Variants in PLEC observed in about 807,000 individuals in gnomAD.
The protein encoded by PLEC is plectin, also known as hemidesmosomal protein 1.
A neutral mutation model predicts 392.8 loss-of-function variants in PLEC; 216 were observed. The observed-to-expected ratio is 0.55, with a 90% CI of 0.49 to 0.62. The LOEUF (loss-of-function observed/expected upper bound fraction) is 0.62. Ranked by LOEUF, PLEC falls within the 20% of genes least tolerant of loss-of-function variation. The pLI is 0.00. For missense variants in PLEC, 6,863 were observed against 6,563.4 expected (o/e 1.05, Z -1.58); for synonymous variants, 3,621 against 2,980.6 (o/e 1.21, Z -7.00).
In PLEC at chr8:143,923,250, C is replaced by T. The variant is rs372884590; in HGVS notation, c.6679G>A (p.Glu2227Lys). Residue 2227 changes from glutamate to lysine, a missense_variant, in exon 31 of 32, where the codon GAG (glutamate) becomes AAG (lysine). Glu to Lys is a moderately conservative substitution (Grantham distance 56, BLOSUM62 1). Transcript: ENST00000345136. Reference protein sequence around the residue: ...TEAARQRSQVEEELFSVRVQM... With the variant: ...TEAARQRSQVKEELFSVRVQM... Reference sequence around the variant, plus strand: ...ACGCGCACCGAGAAGAGCTCCTCCTCCACCTGGCTGCGCTGGCGTGCGGCC... The same window carrying T: ...ACGCGCACCGAGAAGAGCTCCTCCTTCACCTGGCTGCGCTGGCGTGCGGCC... 2.5e-5 allele frequency: 40 copies of T among 1,605,454 alleles called. No individual in the cohort carries two copies. In the African/African-American group the frequency reaches 3.7e-4, roughly 15 times the overall value.
rs77405565 is a variant in PLEC at position 143,927,063 on chromosome 8, C to G, written c.3859G>C (p.Val1287Leu). 2.5e-6 allele frequency: 4 copies of G among 1,611,332 alleles called. No individual in the cohort carries two copies. The African/African-American group carries it at 5.3e-5, about 22-fold the overall frequency. The part of the protein sequence containing the change: ...NAIKDYELQL[V>L]TYKAQLEPVA... Reference sequence around the variant, plus strand: ...GGCTCAAGCTGCGCCTTGTACGTCACCAGCTGGAGTTCATAGTCCTGTGGC... The same window carrying G: ...GGCTCAAGCTGCGCCTTGTACGTCAGCAGCTGGAGTTCATAGTCCTGTGGC... Residue 1287 changes from valine to leucine, a missense_variant, in exon 29 of 32, where the codon GTG (valine) becomes CTG (leucine). Transcript: ENST00000345136.
Position 143,917,533 on chromosome 8 carries a change from C to T in PLEC, c.12288G>A (p.Glu4096=). 1 of 1,613,976 alleles carries T rather than the reference C, an allele frequency of 6.2e-7. No individual in the cohort carries two copies. The highest frequency in any genetic ancestry group is 8.5e-7 in the Non-Finnish European group (1 of 1,180,044). ...TCAGCTGCAGGTAGGTGAGGTTCTC[C>T]TCCGTGTTAGGGTCAAAGAAGCCCT... ...DTKGFFDPNT[E]ENLTYLQLME... is the part of the protein sequence containing the mutation. Residue 4096 remains glutamate, a synonymous_variant, in exon 32 of 32, where the codon GAG becomes GAA. Coordinates refer to ENST00000345136, the MANE Select transcript of PLEC (RefSeq NM_201384.3).
upstream of PLEC, chr8:143,939,713 A>G (rs1830072490): frequency 1.6e-6 from 2 of 1,266,512 alleles, no homozygotes; most frequent in Admixed American, 3.2e-5. Context: ...GGAAGGAGCA[A>G]GCAGCCCCCT....
Position 143,924,199 on chromosome 8 carries a change from C to T in PLEC, c.5730G>A (p.Lys1910=), listed in dbSNP as rs1554696201. 3 of 1,599,094 alleles carry T rather than the reference C, an allele frequency of 1.9e-6. No homozygotes were observed. Among genetic ancestry groups the T allele is most frequent in the Non-Finnish European group, 2.5e-6 (3 of 1,179,544 alleles). Reference sequence around the variant, plus strand: ...GCCTCAGCGTGTCCTCCACCAGCCCCTTCTGCCGCTCCAGCTCGCTGTCCG... The same window carrying T: ...GCCTCAGCGTGTCCTCCACCAGCCCTTTCTGCCGCTCCAGCTCGCTGTCCG... ...KASDSELERQ[K]GLVEDTLRQR... Residue 1910 remains lysine, a synonymous_variant, in exon 31 of 32, where the codon AAG becomes AAA. Coordinates refer to ENST00000345136, the MANE Select transcript of PLEC (RefSeq NM_201384.3).
chr8:143,936,521 G>A (rs1829100289), intron 5 of PLEC, among the ~76,000 whole-genome samples: 1 of 152,202 alleles, frequency 6.6e-6, no homozygotes, highest in Admixed American at 6.5e-5. Context: ...GCATGCTCAG[G>A]CCAGGTTCTG....
intron 1 of PLEC, among the ~76,000 whole-genome samples, chr8:143,947,674 C>A (rs1227519444): frequency 2.0e-5 from 3 of 152,146 alleles, no homozygotes; most frequent in Non-Finnish European, 4.4e-5. Flanking sequence ...CGCTTCAACC[C>A]GGGAGGCGGA....
chr8:143,919,876 G>A lies in PLEC; in HGVS notation c.9945C>T (p.Ser3315=), dbSNP rs28657061. The A allele has an allele frequency of 5.8e-3, 9,277 of 1,613,086 alleles. 96 individuals carry two copies. The highest frequency in any genetic ancestry group is 0.041 in the African/African-American group (3,105 of 75,042). ...FSGLRAPVPA[S]ELLASGVLSR... The stretch of plus-strand genomic sequence containing the variant: ...TGAGGACCCCGGAAGCCAGGAGCTC[G>A]CTGGCTGGCACAGGGGCACGGAGGC... The change falls in exon 32 of 32, where the codon AGC becomes AGT. Residue 3315 remains serine (S), a synonymous_variant. Transcript: ENST00000345136.
chr8:143,956,735 C>G (rs1196319509), upstream of PLEC, among the ~76,000 whole-genome samples: 4 of 151,692 alleles, frequency 2.6e-5, no homozygotes, highest in African/African-American at 9.6e-5. Flanking sequence ...TGTGGTCTCC[C>G]GCAGCCAGAG....
chr8:143,950,572 G>C, exon 1 of PLEC: 1 of 1,608,644 alleles, frequency 6.2e-7, no homozygotes. Flanking sequence ...TGACCTGCAG[G>C]TTGGTGACGC....
chr8:143,961,052 C>CG (rs1287494737), intron 1 of PLEC, among the ~76,000 whole-genome samples: 2 of 152,248 alleles, frequency 1.3e-5, no homozygotes, highest in Non-Finnish European at 2.9e-5. Context: ...ATCGTCTGCT[C>CG]GGACACACAC....
intron 19 of PLEC, among the ~76,000 whole-genome samples, chr8:143,931,263 T>C (rs1428811526): frequency 1.3e-5 from 2 of 152,068 alleles, no homozygotes; most frequent in Non-Finnish European, 2.9e-5. Flanking sequence ...GCTCCCCACA[T>C]CCTGCCTCAT....
Position 143,918,682 on chromosome 8 carries a change from C to T in PLEC, c.11139G>A (p.Gly3713=), listed in dbSNP as rs1554675949. The change falls in exon 32 of 32, where the codon GGG becomes GGA. Residue 3713 remains glycine (G), a synonymous_variant. Transcript: ENST00000345136. ...TLSIYQALKK[G]LLSAEVARLL... ...GGCGGGCCACCTCGGCACTCAGCAG[C>T]CCTTTCTTGAGAGCCTGGTAGATGC... The T allele has an allele frequency of 1.9e-6, 3 of 1,612,930 alleles. No individual in the cohort carries two copies. The Admixed American group carries it at 5.0e-5, about 27-fold the overall frequency.
chr8:143,922,491 G>A lies in PLEC; in HGVS notation c.7425+13C>T, dbSNP rs782812469. 2 of 1,606,184 alleles carry A rather than the reference G, an allele frequency of 1.2e-6. No individual in the cohort carries two copies. The highest frequency in any genetic ancestry group is 1.1e-5 in the South Asian group (1 of 91,094). The stretch of plus-strand genomic sequence containing the variant: ...CGGGCCCACCCGCCCGTCGCACGTA[G>A]AGGGGGCGGTACCTCCTCAGACTTG... On this transcript the variant is annotated intron_variant, in intron 31 of 31. Coordinates refer to ENST00000345136, the MANE Select transcript of PLEC (RefSeq NM_201384.3).
upstream of PLEC, among the ~76,000 whole-genome samples, chr8:143,939,847 A>G (rs1481409134): frequency 6.6e-6 from 1 of 152,102 alleles, no homozygotes; most frequent in African/African-American, 2.4e-5. Flanking sequence ...CTGCACACCA[A>G]ATGGTGCCAG....
At chr8:143,950,772 G>A (rs1262710079) in exon 1 of PLEC, 33 of 1,531,798 alleles carry the variant, frequency 2.2e-5, no homozygotes, top group African/African-American at 9.6e-5. Flanking sequence ...GAGAAGGCCC[G>A]GGGCGCTGCG....
chr8:143,937,437 C>T (rs950021466), intron 3 of PLEC, among the ~76,000 whole-genome samples, 195 bp from the exon 4 acceptor site: 4 of 151,930 alleles, frequency 2.6e-5, no homozygotes, highest in Non-Finnish European at 4.4e-5. Context: ...CATCAGGGCT[C>T]GGGAAGTCCA....
At chr8:143,938,465 G>T in intron 2 of PLEC, 166 bp downstream of exon 2, 1 of 1,543,172 alleles carries the variant, frequency 6.5e-7, no homozygotes, top group Non-Finnish European at 8.7e-7. Context: ...GAAGAGAGAG[G>T]CAGGAGCAGG....
upstream of PLEC, among the ~76,000 whole-genome samples, chr8:143,958,118 G>A (rs782215096): frequency 1.3e-5 from 2 of 152,166 alleles, no homozygotes; most frequent in Admixed American, 6.5e-5. The surrounding 1 kb of genome is among the most constrained non-coding windows in gnomAD (Gnocchi z 4.9). Flanking sequence ...CTTCTGCCTC[G>A]CAGCCTTGGC....
chr8:143,937,664 G>A (rs1055053050), intron 3 of PLEC: 5 of 491,334 alleles, frequency 1.0e-5, no homozygotes, highest in South Asian at 4.6e-5. Flanking sequence ...GGGGTTGGCC[G>A]ACGGGCCACC....
Sources: allele counts gnomAD v4.1 joint callset (sites outside exome capture counted in the v4.1 genomes callset), GRCh38; gene constraint gnomAD v4.1.1; non-coding constraint Gnocchi (gnomAD v3.1); transcripts MANE v1.5; gene names NCBI Gene and HGNC (gene_info 2026-07-23, HGNC 2026-07-21).